Variants in TMEM87B observed in about 807,000 individuals in gnomAD.
TMEM87B encodes transmembrane protein 87B.
In TMEM87B, 83 loss-of-function variants were observed where a neutral mutation model predicts 80.3. That is an observed-to-expected ratio of 1.03 (90% CI 0.87 to 1.24). The LOEUF (loss-of-function observed/expected upper bound fraction) is 1.24, where lower values mean the gene tolerates loss of function less well. TMEM87B is among the 50% of genes most tolerant of loss of function. The probability of loss-of-function intolerance (pLI) is 0.00; values close to 1 mark genes in which losing one functional copy is unlikely to be tolerated. For synonymous variants in TMEM87B, 219 were observed against 230.5 expected (o/e 0.95, Z 0.45); for missense variants, 625 against 674.4 (o/e 0.93, Z 0.81).
Position 112,116,070 on chromosome 2 carries a change from T to C in TMEM87B, c.1609-14T>C, listed in dbSNP as rs748287653. The C allele has an allele frequency of 9.3e-6, 15 of 1,608,812 alleles. No individual in the cohort carries two copies. The highest frequency in any genetic ancestry group is 5.0e-5 in the Admixed American group (3 of 59,542). On this transcript the variant is annotated splice_polypyrimidine_tract_variant and intron_variant, in intron 18 of 18. Coordinates refer to ENST00000283206, the MANE Select transcript of TMEM87B (RefSeq NM_032824.3). ...ATCAACATGTTGATACATATCTTCT[T>C]TTTTTTTCTTCAGGAAATCATGACC...
At chr2:112,057,944 C>T (rs781421622) in intron 1 of TMEM87B, among the ~76,000 whole-genome samples, 1 of 151,868 alleles carries the variant, frequency 6.6e-6, no homozygotes, top group Admixed American at 6.6e-5. Flanking sequence ...TCTCCTGCCT[C>T]AGCCTCCTGA....
At chr2:112,097,179 A>G in intron 12 of TMEM87B, 27 bp downstream of exon 12, 2 of 1,597,290 alleles carry the variant, frequency 1.3e-6, no homozygotes, top group Middle Eastern at 1.7e-4. Context: ...TTCTTACAGT[A>G]AATTATCTTA....
chr2:112,098,685 GCAAA>G lies in TMEM87B; in HGVS notation c.1367_1370del (p.Asn456IlefsTer9), dbSNP rs773798186. The G allele has an allele frequency of 1.9e-5, 30 of 1,613,914 alleles. No individual in the cohort carries two copies. Among genetic ancestry groups the G allele is most frequent in the Non-Finnish European group, 2.5e-5 (30 of 1,179,976 alleles). On this transcript the variant is annotated frameshift_variant, in exon 14 of 19. Transcript: ENST00000283206. LOFTEE classifies it high-confidence loss of function. The stretch of plus-strand genomic sequence containing the variant: ...AATCATGTTTTTGTGGAGACCATCA[GCAAA>G]CAATCAGAGGTACCTAACATAGGAA...
intron 6 of TMEM87B, among the ~76,000 whole-genome samples, chr2:112,079,926 CTTTTTT>C (rs61341379): frequency 1.2e-5 from 1 of 84,006 alleles, no homozygotes; most frequent in Non-Finnish European, 2.2e-5. Context: ...GGTCCCTTGC[CTTTTTT>C]TTTTTTTTTT....
At chr2:112,112,198 C>T (rs530003339) in intron 17 of TMEM87B, among the ~76,000 whole-genome samples, 1 of 152,324 alleles carries the variant, frequency 6.6e-6, no homozygotes, top group South Asian at 2.1e-4. Flanking sequence ...CTCCCTCAGA[C>T]CTCTGTCACA....
intron 6 of TMEM87B, 137 bp from the exon 7 acceptor site, chr2:112,080,920 C>A (rs982552193): frequency 1.4e-6 from 1 of 692,482 alleles, no homozygotes; most frequent in Non-Finnish European, 2.5e-6. Context: ...ACTAATTGTC[C>A]AATACCATGT....
intron 13 of TMEM87B, 58 bp from the exon 14 acceptor site, chr2:112,098,537 G>C: frequency 6.6e-7 from 1 of 1,511,084 alleles, no homozygotes; most frequent in Non-Finnish European, 9.2e-7. Flanking sequence ...ATTTGAATGG[G>C]AAACCTATAT....
intron 15 of TMEM87B, among the ~76,000 whole-genome samples, chr2:112,103,444 T>G (rs1449750813): frequency 1.3e-5 from 2 of 152,290 alleles, no homozygotes; most frequent in African/African-American, 4.8e-5. Flanking sequence ...GTTAAGTTGA[T>G]TCTAAAATGT....
intron 4 of TMEM87B, among the ~76,000 whole-genome samples, chr2:112,072,555 A>G (rs953065495): frequency 4.6e-5 from 7 of 152,294 alleles, no homozygotes; most frequent in South Asian, 4.1e-4. Context: ...GTTTGTGTGC[A>G]TAGAGGCATT....
chr2:112,060,251 A>G lies in TMEM87B; in HGVS notation c.226+214A>G, dbSNP rs190013251. Among the ~76,000 whole-genome samples, 619 of 152,142 alleles carry G rather than the reference A, an allele frequency of 4.1e-3. 12 individuals are homozygous for G. Among genetic ancestry groups the G allele is most frequent in the Admixed American group, 0.032 (493 of 15,286 alleles). On this transcript the variant is annotated intron_variant, in intron 2 of 18. Transcript: ENST00000283206. The stretch of plus-strand genomic sequence containing the variant: ...GTAGTCCCAGCTACTTGGGAGGCTG[A>G]GGCAGGAGAATCACTTGAACCCGGG...
intron 1 of TMEM87B, 84 bp downstream of exon 1, chr2:112,055,840 C>T (rs1678035359): frequency 7.1e-7 from 1 of 1,405,096 alleles, no homozygotes; most frequent in East Asian, 2.9e-5. Flanking sequence ...CGGGCTTGTT[C>T]ACCCTGCCTC....
intron 11 of TMEM87B, among the ~76,000 whole-genome samples, chr2:112,094,066 C>T (rs916485284): frequency 6.6e-6 from 1 of 151,996 alleles, no homozygotes; most frequent in Non-Finnish European, 1.5e-5. Context: ...GAGTATGGTC[C>T]TTCATTCAAT....
chr2:112,066,288 T>G (rs1227324082), intron 3 of TMEM87B, among the ~76,000 whole-genome samples: 2 of 152,264 alleles, frequency 1.3e-5, no homozygotes, highest in Non-Finnish European at 2.9e-5. Context: ...TCAATCTGTC[T>G]TATCTGTCAG....
chr2:112,072,961 G>A (rs796973603), intron 4 of TMEM87B, among the ~76,000 whole-genome samples: 11 of 141,352 alleles, frequency 7.8e-5, no homozygotes, highest in African/African-American at 2.4e-4. Flanking sequence ...GGGCAGTGGT[G>A]CAATCTCGGC....
rs1219794439 is a variant in TMEM87B at position 112,117,391 on chromosome 2, C to T, written c.*1248C>T. 3.3e-5 allele frequency: 5 copies of T among 152,020 alleles called. No homozygotes were observed. Among genetic ancestry groups the T allele is most frequent in the African/African-American group, 4.8e-5 (2 of 41,370 alleles). The allele number at this position is 152,020 out of a possible 1,614,324, so 9.4% of individuals were successfully genotyped here. A position where few individuals can be genotyped will look rare whatever the true frequency, so the allele number is the denominator to read the frequency against. On this transcript the variant is annotated 3_prime_UTR_variant, in exon 19 of 19. Coordinates refer to ENST00000283206, the MANE Select transcript of TMEM87B (RefSeq NM_032824.3). Reference sequence around the variant, plus strand: ...ATTAAGAAAACATTAAAATCTTAACCGGCACAAACACTCCAATTTTTTTCA... The same window carrying T: ...ATTAAGAAAACATTAAAATCTTAACTGGCACAAACACTCCAATTTTTTTCA...
chr2:112,059,770 C>T (rs996966454), intron 1 of TMEM87B, among the ~76,000 whole-genome samples: 6 of 152,170 alleles, frequency 3.9e-5, no homozygotes, highest in African/African-American at 1.4e-4. Flanking sequence ...TGCTAGAGGC[C>T]AGAGCCCTCC....
intron 17 of TMEM87B, among the ~76,000 whole-genome samples, chr2:112,111,756 CAT>C (rs1679924432): frequency 1.3e-5 from 2 of 152,216 alleles, no homozygotes; most frequent in South Asian, 2.1e-4. Flanking sequence ...TGAATAACCA[CAT>C]GATATGTATT....
At position 112,117,038 on chromosome 2, in the gene TMEM87B, C is replaced by A. The variant is rs1248561940; in HGVS notation, c.*895C>A. On this transcript the variant is annotated 3_prime_UTR_variant, in exon 19 of 19. Transcript: ENST00000283206. ...TATTACATTTCATAATAAAAACATA[C>A]ATTTAGTTGCATGCTACATCACTAT... 1 of 152,280 alleles carries A rather than the reference C, an allele frequency of 6.6e-6. No individual in the cohort carries two copies. The highest frequency in any genetic ancestry group is 3.2e-3 in the Middle Eastern group (1 of 316). The allele number at this position is 152,280 out of a possible 1,614,324, so 9.4% of individuals were successfully genotyped here. A position where few individuals can be genotyped will look rare whatever the true frequency, so the allele number is the denominator to read the frequency against.
At chr2:112,089,598 T>G in intron 9 of TMEM87B, 27 bp from the exon 10 acceptor site, 1 of 1,611,026 alleles carries the variant, frequency 6.2e-7, no homozygotes, top group South Asian at 1.1e-5. Flanking sequence ...TTTTTCTTCT[T>G]TCTCTGTTTC....
Sources: allele counts gnomAD v4.1 joint callset (sites outside exome capture counted in the v4.1 genomes callset), GRCh38; gene constraint gnomAD v4.1.1; transcripts MANE v1.5; gene names NCBI Gene and HGNC (gene_info 2026-07-23, HGNC 2026-07-21).